Variants in TOMM40L observed in about 807,000 individuals in gnomAD.
TOMM40L encodes translocase of outer mitochondrial membrane 40 like.
TOMM40L carries 17 observed loss-of-function variants against 38.3 expected under a neutral mutation model. That is an observed-to-expected ratio of 0.44 (90% CI 0.30 to 0.67). TOMM40L has a LOEUF of 0.67. Ranked by LOEUF, TOMM40L falls within the 30% of genes least tolerant of loss-of-function variation. TOMM40L has a pLI of 0.08. For synonymous variants in TOMM40L, 151 were observed against 150.2 expected (o/e 1.01, Z -0.04); for missense variants, 294 against 390.0 (o/e 0.75, Z 2.07).
In TOMM40L at chr1:161,229,287, G is replaced by A. The variant is rs1666609816; in HGVS notation, c.*192G>A. The A allele has an allele frequency of 2.7e-6, 2 of 741,480 alleles. No homozygotes were observed. Among genetic ancestry groups the A allele is most frequent in the South Asian group, 1.9e-5 (1 of 53,924 alleles). 45.9% of individuals were successfully genotyped at this position (741,480 alleles called of 1,614,324 possible). The stretch of plus-strand genomic sequence containing the variant: ...GGCAGTTGATGAGGCAGAGGTTTGA[G>A]GATCCCCCCTCTGCTACCAGCCCCA... On this transcript the variant is annotated 3_prime_UTR_variant, in exon 10 of 10. Coordinates refer to ENST00000367988, the MANE Select transcript of TOMM40L (RefSeq NM_032174.6).
In TOMM40L at chr1:161,226,516, A is replaced by G. The variant is rs1173976623; in HGVS notation, c.27A>G (p.Pro9=). The change falls in exon 2 of 10, where the codon CCA becomes CCG. Residue 9 remains proline, a synonymous_variant. Coordinates refer to ENST00000367988, the MANE Select transcript of TOMM40L (RefSeq NM_032174.6). ...TGGGGAACACATTGGGCCTGGCACC[A>G]ATGGGGACTTTGCCCCGCCGGAGCC... MGNTLGLA[P]MGTLPRRSPR... is the part of the protein sequence containing the mutation. 4 of 1,614,120 alleles carry G rather than the reference A, an allele frequency of 2.5e-6. No homozygotes were observed. The highest frequency in any genetic ancestry group is 3.4e-6 in the Non-Finnish European group (4 of 1,180,010).
chr1:161,228,997 A>G lies in TOMM40L; in HGVS notation c.829A>G (p.Lys277Glu). ...SNWCVGAVLE[K>E]KMPPLPVTLA... ...CTGGTGTGTAGGTGCTGTGCTGGAG[A>G]AGAAGATGCCCCCTCTGCCTGTCAC... Residue 277 changes from lysine to glutamate, a missense_variant, in exon 10 of 10, where the codon AAG (lysine) becomes GAG (glutamate). Coordinates refer to ENST00000367988, the MANE Select transcript of TOMM40L (RefSeq NM_032174.6). 1 of 1,614,074 alleles carries G rather than the reference A, an allele frequency of 6.2e-7. No individual in the cohort carries two copies. The highest frequency in any genetic ancestry group is 8.5e-7 in the Non-Finnish European group (1 of 1,180,012).
In TOMM40L at chr1:161,230,339, A is replaced by G. The variant is rs1666880539; in HGVS notation, c.*1244A>G. On this transcript the variant is annotated 3_prime_UTR_variant, in exon 10 of 10. Transcript: ENST00000367988. The stretch of plus-strand genomic sequence containing the variant: ...GCAAAACAGAAGCGGTGCATACCTC[A>G]GAGCCTGGATAAATCACAGACTATT... 9.8e-6 allele frequency: 3 copies of G among 305,410 alleles called. No individual in the cohort carries two copies. Among genetic ancestry groups the G allele is most frequent in the Non-Finnish European group, 1.8e-5 (3 of 164,670 alleles). The allele number at this position is 305,410 out of a possible 1,614,324, so 18.9% of individuals were successfully genotyped here.
intron 4 of TOMM40L, 91 bp from the exon 5 acceptor site, chr1:161,227,545 C>T: frequency 1.7e-6 from 2 of 1,151,396 alleles, no homozygotes; most frequent in Non-Finnish European, 2.5e-6. Flanking sequence ...CACCAGGGGG[C>T]GCTGTGCACT....
chr1:161,228,838 T>G, intron 9 of TOMM40L, 21 bp downstream of exon 9: 2 of 1,614,078 alleles, frequency 1.2e-6, no homozygotes, highest in Non-Finnish European at 1.7e-6. Context: ...TTGGGAGACA[T>G]TTGGCTATCC....
rs201442921 is a variant in TOMM40L at position 161,228,470 on chromosome 1, C to T, written c.650C>T (p.Ala217Val). Residue 217 changes from alanine to valine, a missense_variant, in exon 8 of 10, where the codon GCC becomes GTC. Physicochemically the swap from Ala to Val is moderately conservative, Grantham distance 64. Transcript: ENST00000367988. ...VATLNVGSGG[A>V]HASYYHRANE... ...ACATTGAATGTGGGATCAGGCGGGG[C>T]CCATGCAAGTTACTACCACAGGGCA... The T allele has an allele frequency of 8.1e-6, 13 of 1,614,086 alleles. No homozygotes were observed. The East Asian group carries it at 2.7e-4, about 33-fold the overall frequency.
chr1:161,230,672 G>T lies in TOMM40L; in HGVS notation c.*1577G>T. On this transcript the variant is annotated 3_prime_UTR_variant, in exon 10 of 10. Coordinates refer to ENST00000367988, the MANE Select transcript of TOMM40L (RefSeq NM_032174.6). ...TGCTGAAACGATGTGAGACAGGGAT[G>T]GCCAGGGGGAAGGACTAGACCCCAC... 1 of 1,039,742 alleles carries T rather than the reference G, an allele frequency of 9.6e-7. No homozygotes were observed. The highest frequency in any genetic ancestry group is 1.4e-6 in the Non-Finnish European group (1 of 712,922). The allele number at this position is 1,039,742 out of a possible 1,614,324, so 64.4% of individuals were successfully genotyped here. A position where few individuals can be genotyped will look rare whatever the true frequency, so the allele number is the denominator to read the frequency against.
At chr1:161,228,097 G>C in intron 6 of TOMM40L, 89 bp from the exon 7 acceptor site, 1 of 1,586,010 alleles carries the variant, frequency 6.3e-7, no homozygotes, top group Non-Finnish European at 8.6e-7. Context: ...AACTTCTTGG[G>C]CAGGCTGGGG....
chr1:161,226,299 T>A, intron 1 of TOMM40L, 56 bp from the exon 2 acceptor site: 1 of 538,590 alleles, frequency 1.9e-6, no homozygotes, highest in Non-Finnish European at 3.3e-6. Flanking sequence ...GGGGCGGGAG[T>A]GTGCCTAGGG....
intron 3 of TOMM40L, 53 bp from the exon 4 acceptor site, chr1:161,227,205 G>C: frequency 6.5e-7 from 1 of 1,537,412 alleles, no homozygotes; most frequent in South Asian, 1.1e-5. Flanking sequence ...TGGGATGAGG[G>C]ATTGAAGTGG....
intron 3 of TOMM40L, 122 bp from the exon 4 acceptor site, chr1:161,227,136 T>C (rs1256013592): frequency 8.4e-7 from 1 of 1,191,744 alleles, no homozygotes; most frequent in South Asian, 1.3e-5. Flanking sequence ...ACCTTCTCTG[T>C]ATATGTTGGA....
At chr1:161,228,557 T>G in intron 8 of TOMM40L, 53 bp downstream of exon 8, 1 of 1,597,702 alleles carries the variant, frequency 6.3e-7, no homozygotes, top group Middle Eastern at 1.7e-4. Context: ...CATGAACTTC[T>G]GTTCATCTGG....
At chr1:161,228,911 C>T in intron 9 of TOMM40L, 45 bp from the exon 10 acceptor site, 2 of 1,614,072 alleles carry the variant, frequency 1.2e-6, no homozygotes, top group East Asian at 2.2e-5. Context: ...ACTATTTCCT[C>T]CAATCCCTGT....
At position 161,228,263 on chromosome 1, in the gene TOMM40L, C is replaced by T. The variant is rs753322527; in HGVS notation, c.562C>T (p.Pro188Ser). 6.2e-7 allele frequency: 1 copy of T among 1,607,026 alleles called. No individual in the cohort carries two copies. The highest frequency in any genetic ancestry group is 8.5e-7 in the Non-Finnish European group (1 of 1,175,820). The part of the protein sequence containing the change: ...LGGELVYHRR[P>S]GEEGAILTLA... ...AGGAGAGCTAGTTTATCACCGGCGG[C>T]CAGGCGAAGAGGGGGCCATCTTGAC... is the stretch of plus-strand genomic sequence containing the variant. Residue 188 changes from proline (P) to serine (S), a missense_variant, in exon 7 of 10, where the codon CCA (proline) becomes TCA (serine). Coordinates refer to ENST00000367988, the MANE Select transcript of TOMM40L (RefSeq NM_032174.6).
rs747050280 is a variant in TOMM40L, at chr1:161,229,642, C to T, written c.*547C>T. 6.2e-7 allele frequency: 1 copy of T among 1,612,804 alleles called. No homozygotes were observed. Among genetic ancestry groups the T allele is most frequent in the Non-Finnish European group, 8.5e-7 (1 of 1,179,682 alleles). ...TTGTTCCTATGGTCACCCCCACTATCCCCATGACCGCATGAAGAGGCAGTT... is the reference window on the plus strand; with the variant it reads ...TTGTTCCTATGGTCACCCCCACTATTCCCATGACCGCATGAAGAGGCAGTT... On this transcript the variant is annotated 3_prime_UTR_variant, in exon 10 of 10. Coordinates refer to ENST00000367988, the MANE Select transcript of TOMM40L (RefSeq NM_032174.6).
Position 161,226,552 on chromosome 1 carries a change from G to A in TOMM40L, c.63G>A (p.Glu21=). 2 of 1,614,184 alleles carry A rather than the reference G, an allele frequency of 1.2e-6. No individual in the cohort carries two copies. Among genetic ancestry groups the A allele is most frequent in the Non-Finnish European group, 1.7e-6 (2 of 1,180,024 alleles). The change falls in exon 2 of 10, where the codon GAG becomes GAA. Residue 21 remains glutamate, a synonymous_variant. Transcript: ENST00000367988. ...GTLPRRSPRR[E]EPLPNPGSFD... ...TGCCCCGCCGGAGCCCCCGCCGAGAGGAACCCCTGCCCAACCCTGGGAGCT... is the reference window on the plus strand; with the variant it reads ...TGCCCCGCCGGAGCCCCCGCCGAGAAGAACCCCTGCCCAACCCTGGGAGCT...
chr1:161,228,333 T>C (rs769316999), intron 7 of TOMM40L, 25 bp downstream of exon 7: 1 of 1,607,812 alleles, frequency 6.2e-7, no homozygotes, highest in East Asian at 2.2e-5. Flanking sequence ...GAAGTAGTGG[T>C]GGTGGTGGGG....
chr1:161,228,707 G>T lies in TOMM40L; in HGVS notation c.685-8G>T. 7 of 1,614,102 alleles carry T rather than the reference G, an allele frequency of 4.3e-6. No homozygotes were observed. Among genetic ancestry groups the T allele is most frequent in the Non-Finnish European group, 5.9e-6 (7 of 1,180,004 alleles). On this transcript the variant is annotated splice_region_variant and splice_polypyrimidine_tract_variant and intron_variant, in intron 8 of 9. Transcript: ENST00000367988. ...GATCTCTCTCTCATCCTTGCCCATG[G>T]TTCTCAGGTTCAGGTTGGAGTGGAG...
In TOMM40L at chr1:161,229,612, C is replaced by T. The variant is rs1666636145; in HGVS notation, c.*517C>T. ...TCCCATCTTCTGTGCTTCCAGAGAA[C>T]AACTTTGTTCCTATGGTCACCCCCA... On this transcript the variant is annotated 3_prime_UTR_variant, in exon 10 of 10. Coordinates refer to ENST00000367988, the MANE Select transcript of TOMM40L (RefSeq NM_032174.6). 3.7e-6 allele frequency: 6 copies of T among 1,601,964 alleles called. No homozygotes were observed. The African/African-American group carries it at 6.7e-5, about 18-fold the overall frequency.
Sources: allele counts gnomAD v4.1 joint callset, GRCh38; gene constraint gnomAD v4.1.1; transcripts MANE v1.5; gene names NCBI Gene and HGNC (gene_info 2026-07-23, HGNC 2026-07-21).